MTMR10: variants seen among roughly 807,000 people sequenced by gnomAD.
MTMR10 encodes the protein myotubularin-related protein 10.
MTMR10 carries 56 observed loss-of-function variants against 88.1 expected under a neutral mutation model. The observed-to-expected ratio is 0.64, with a 90% CI of 0.51 to 0.79. The LOEUF is 0.79. Among genes scored for constraint, MTMR10 ranks in the 30% least tolerant of loss-of-function variants. The pLI is 0.00. For synonymous variants in MTMR10, 380 were observed against 340.9 expected (o/e 1.11, Z -1.26); for missense variants, 883 against 924.7 (o/e 0.95, Z 0.58).
chr15:30,967,212 T>C (rs2063483279), intron 6 of MTMR10, among the ~76,000 whole-genome samples: 1 of 152,130 alleles, frequency 6.6e-6, no homozygotes, highest in Admixed American at 6.6e-5. Context: ...TAACTGACAA[T>C]GGGGCTAACA....
At position 30,976,869 on chromosome 15, in the gene MTMR10, A is replaced by G. The variant is rs1378905533; in HGVS notation, c.208T>C (p.Cys70Arg). The G allele has an allele frequency of 1.9e-6, 3 of 1,613,834 alleles. No individual in the cohort carries two copies. The highest frequency in any genetic ancestry group is 2.5e-6 in the Non-Finnish European group (3 of 1,179,840). The change falls in exon 3 of 16, where the codon TGC (cysteine) becomes CGC (arginine). Residue 70 changes from cysteine to arginine, a missense_variant. Coordinates refer to ENST00000435680, the MANE Select transcript of MTMR10 (RefSeq NM_017762.3). ...ATAAAGGAGATTTTGAAGTTACTGC[A>G]TATCAGCTTTCCCCACAAATCGTAC... ...SQYDLWGKLI[C>R]SNFKISFITD...
chr15:30,968,518 G>C (rs1242964472), intron 5 of MTMR10, among the ~76,000 whole-genome samples: 1 of 142,010 alleles, frequency 7.0e-6, no homozygotes, highest in African/African-American at 2.8e-5. Context: ...GGCTCAAAGA[G>C]GTACATCAAA....
the MTMR10 span, chr15:30,925,155 C>T: frequency 6.3e-5 from 101 of 1,613,642 alleles, no homozygotes; most frequent in African/African-American, 8.5e-4. Context: ...GAGGGGCTGG[C>T]GGATCCGGAA....
rs907222586 is a variant in MTMR10, at chr15:30,979,862, C to A, written c.122-2907G>T. On this transcript the variant is annotated intron_variant, in intron 2 of 15. Transcript: ENST00000435680. ...GGTCCAACGGATGGTAAACCATGGC[C>A]CACGGGCCAAATACAAAACCTTGTT... is the stretch of plus-strand genomic sequence containing the variant. Among the ~76,000 whole-genome samples the A allele has an allele frequency of 6.6e-5, 10 of 152,294 alleles. No individual in the cohort carries two copies. The East Asian group carries it at 1.4e-3, about 21-fold the overall frequency.
At chr15:30,933,651 GTTGT>G in the MTMR10 span, among the ~76,000 whole-genome samples, 76 of 152,128 alleles carry the variant, frequency 5.0e-4, no homozygotes, top group African/African-American at 1.8e-3. Flanking sequence ...GGTTGATAGT[GTTGT>G]TTAAGTTGTC....
Position 30,941,568 on chromosome 15 carries a change from TC to T in MTMR10, c.2235del (p.Asn746IlefsTer8), listed in dbSNP as rs756482480. 6.2e-7 allele frequency: 1 copy of T among 1,601,510 alleles called. No individual in the cohort carries two copies. Among genetic ancestry groups the T allele is most frequent in the East Asian group, 2.2e-5 (1 of 44,566 alleles). On this transcript the variant is annotated frameshift_variant, in exon 16 of 16. Transcript: ENST00000435680. LOFTEE classifies it high-confidence loss of function. The stretch of plus-strand genomic sequence containing the variant: ...CCTAAAATGCTTCGTCTGCACAGAT[TC>T]CCTACAGGAGAAAATGGAAATGAGG... ...LSSSFPFSPVGNLCRRSILGT... is the reference protein window; with the variant it reads ...LSSSFPFSPVXNLCRRSILGT...
the MTMR10 span, among the ~76,000 whole-genome samples, chr15:30,923,288 G>A: frequency 6.6e-6 from 1 of 152,176 alleles, no homozygotes; most frequent in African/African-American, 2.4e-5. Context: ...TGTTTACTGA[G>A]GCTGAAATAG....
intron 5 of MTMR10, 121 bp downstream of exon 5, chr15:30,974,193 G>T: frequency 1.1e-6 from 1 of 947,908 alleles, no homozygotes; most frequent in Non-Finnish European, 1.4e-6. Context: ...TACTTAAGAA[G>T]ATGTCTGATA....
chr15:30,971,469 G>A (rs1450757239), intron 5 of MTMR10, among the ~76,000 whole-genome samples: 2 of 152,102 alleles, frequency 1.3e-5, no homozygotes, highest in Non-Finnish European at 2.9e-5. Context: ...TCTGTGGCCT[G>A]AAAGCCACCA....
At chr15:30,974,276 T>A (rs2029935088) in intron 5 of MTMR10, 38 bp downstream of exon 5, 1 of 1,497,872 alleles carries the variant, frequency 6.7e-7, no homozygotes, top group Non-Finnish European at 8.9e-7. Context: ...GTAAACACAG[T>A]ACAGAACCCA....
intron 2 of MTMR10, among the ~76,000 whole-genome samples, chr15:30,981,467 A>G (rs2030565228): frequency 6.6e-6 from 1 of 152,250 alleles, no homozygotes; most frequent in South Asian, 2.1e-4. Flanking sequence ...GGTCTTTCCC[A>G]AAATCCATAA....
At chr15:30,953,687 CAGAGT>C in intron 10 of MTMR10, 56 bp from the exon 11 acceptor site, 2 of 1,144,878 alleles carry the variant, frequency 1.7e-6, no homozygotes, top group Non-Finnish European at 2.5e-6. Flanking sequence ...CGATCCCTAT[CAGAGT>C]AAAGAGATAC....
At chr15:30,932,841 T>C in the MTMR10 span, among the ~76,000 whole-genome samples, 1 of 151,718 alleles carries the variant, frequency 6.6e-6, no homozygotes, top group Non-Finnish European at 1.5e-5. Context: ...GCCTCCCTAG[T>C]AGCTGGGATT....
chr15:30,974,327 T>G lies in MTMR10; in HGVS notation c.461A>C (p.Glu154Ala), dbSNP rs370855703. The G allele has an allele frequency of 6.2e-6, 10 of 1,602,606 alleles. No homozygotes were observed. Among genetic ancestry groups the G allele is most frequent in the African/African-American group, 4.0e-5 (3 of 74,552 alleles). The change falls in exon 5 of 16, where the codon GAA becomes GCA. Residue 154 changes from glutamate to alanine, a missense_variant. By Grantham distance (107) the Glu-to-Ala change is moderately radical. Coordinates refer to ENST00000435680, the MANE Select transcript of MTMR10 (RefSeq NM_017762.3). ...TAACAGTATTACCTTTTTAGCACTT[T>G]CGGGACCTGATTCATCAAAGCGAAA... ...VRFRFDESGP[E>A]SAKKVCLAIA... is the part of the protein sequence containing the mutation.
At chr15:30,982,745 C>A (rs997884602) in intron 2 of MTMR10, among the ~76,000 whole-genome samples, 10 of 152,162 alleles carry the variant, frequency 6.6e-5, no homozygotes, top group Admixed American at 5.9e-4. Flanking sequence ...AAATTTTGTT[C>A]ATGCAGAACC....
chr15:30,938,418 G>A (rs1187348445), downstream of MTMR10, among the ~76,000 whole-genome samples: 1 of 152,124 alleles, frequency 6.6e-6, no homozygotes, highest in Non-Finnish European at 1.5e-5. Context: ...TTGTTCTACT[G>A]ATTGGGCCCG....
intron 14 of MTMR10, among the ~76,000 whole-genome samples, chr15:30,945,942 C>T (rs1006969713): frequency 6.6e-6 from 1 of 152,220 alleles, no homozygotes; most frequent in East Asian, 1.9e-4. Flanking sequence ...GTGCGCACCA[C>T]CATGTCTGGC....
chr15:30,945,552 G>GTC (rs201450309), intron 14 of MTMR10, among the ~76,000 whole-genome samples: 1 of 151,312 alleles, frequency 6.6e-6, no homozygotes, highest in Non-Finnish European at 1.5e-5. Context: ...GGCTCACACT[G>GTC]TGTGCGCACG....
Position 30,976,890 on chromosome 15 carries a change from C to T in MTMR10, c.187G>A (p.Asp63Asn), listed in dbSNP as rs758142405. 1.2e-6 allele frequency: 2 copies of T among 1,613,726 alleles called. No homozygotes were observed. Among genetic ancestry groups the T allele is most frequent in the East Asian group, 2.2e-5 (1 of 44,872 alleles). ...CTGCATATCAGCTTTCCCCACAAATCGTACTGGCTTGTGTCTGTTGCAATG... is the reference window on the plus strand; with the variant it reads ...CTGCATATCAGCTTTCCCCACAAATTGTACTGGCTTGTGTCTGTTGCAATG... ...KCIATDTSQY[D>N]LWGKLICSNF... The change falls in exon 3 of 16, where the codon GAT (aspartate) becomes AAT (asparagine). Residue 63 changes from aspartate (D) to asparagine (N), a missense_variant. Asp to Asn is a conservative substitution (Grantham distance 23). Around this residue, in one of 3 missense-constraint regions of MTMR10, gnomAD observed 414 missense variants for 423.2 expected, o/e 0.98. Coordinates refer to ENST00000435680, the MANE Select transcript of MTMR10 (RefSeq NM_017762.3).
Sources: allele counts gnomAD v4.1 joint callset (sites outside exome capture counted in the v4.1 genomes callset), GRCh38; gene constraint gnomAD v4.1.1; regional missense constraint gnomAD v4.1.1; transcripts MANE v1.5; gene names NCBI Gene and HGNC (gene_info 2026-07-23, HGNC 2026-07-21).